SLC35F3: variants seen among roughly 807,000 people sequenced by gnomAD.
SLC35F3 encodes solute carrier family 35 member F3.
In SLC35F3, 25 loss-of-function variants were observed where a neutral mutation model predicts 49.9. The ratio of observed to expected loss-of-function variants is 0.50; its 90% CI spans 0.37 to 0.70. The LOEUF (loss-of-function observed/expected upper bound fraction) is 0.70, where lower values mean the gene tolerates loss of function less well. Ranked by LOEUF, SLC35F3 falls within the 30% of genes least tolerant of loss-of-function variation. The pLI is 0.00. For missense variants in SLC35F3, 525 were observed against 639.8 expected, an observed-to-expected ratio of 0.82 and a Z score of 1.94; for synonymous variants, 275 against 265.4, an observed-to-expected ratio of 1.04 and a Z score of -0.35.
At chr1:233,971,954 T>G (rs1663001073) in intron 2 of SLC35F3, among the ~76,000 whole-genome samples, 1 of 152,246 alleles carries the variant, frequency 6.6e-6, no homozygotes, top group Non-Finnish European at 1.5e-5. Context: ...TACAGCGTGC[T>G]GGCCTGCACA....
At chr1:234,031,817 T>C (rs534066955) in intron 2 of SLC35F3, among the ~76,000 whole-genome samples, 1 of 152,342 alleles carries the variant, frequency 6.6e-6, no homozygotes, top group South Asian at 2.1e-4. Flanking sequence ...TCAGGTGCGT[T>C]TCTTAACTCC....
intron 3 of SLC35F3, among the ~76,000 whole-genome samples, chr1:234,298,631 C>A (rs969678305): frequency 3.0e-4 from 45 of 152,216 alleles, no homozygotes; most frequent in African/African-American, 9.2e-4. Flanking sequence ...TGCCCCATTC[C>A]AGACCTGCTG....
In SLC35F3 at chr1:234,214,691, AC is replaced by A; in HGVS notation, c.284-16725del. ...GGGCTGGGGGTACTGCTCCCCCAGG[AC>A]GCGGCTCCGCAGTGCAGAGCGCCGC... is the stretch of plus-strand genomic sequence containing the variant. On this transcript the variant is annotated intron_variant, in intron 2 of 7. Coordinates refer to ENST00000366618, the MANE Select transcript of SLC35F3 (RefSeq NM_173508.4). The surrounding 1 kb of genome is among the most constrained non-coding windows in gnomAD (Gnocchi z 8.0). The A allele has an allele frequency of 1.5e-6, 2 of 1,345,730 alleles. No individual in the cohort carries two copies. Among genetic ancestry groups the A allele is most frequent in the Non-Finnish European group, 1.9e-6 (2 of 1,025,648 alleles). 83.4% of individuals were successfully genotyped at this position (1,345,730 alleles called of 1,614,324 possible).
intron 2 of SLC35F3, among the ~76,000 whole-genome samples, chr1:233,968,670 A>G (rs2102815899): frequency 6.6e-6 from 1 of 151,996 alleles, no homozygotes; most frequent in South Asian, 2.1e-4. Context: ...TTTTTAGTAA[A>G]CACGGGGTTT....
chr1:234,126,889 G>A (rs1052173536), intron 2 of SLC35F3, among the ~76,000 whole-genome samples: 4 of 151,932 alleles, frequency 2.6e-5, no homozygotes, highest in Non-Finnish European at 4.4e-5. Flanking sequence ...TAGAGATGGG[G>A]TCTCACTATG....
At chr1:234,053,291 C>CA (rs1664405498) in intron 2 of SLC35F3, among the ~76,000 whole-genome samples, 1 of 152,158 alleles carries the variant, frequency 6.6e-6, no homozygotes, top group South Asian at 2.1e-4. Flanking sequence ...TTGTAGATCT[C>CA]TAAGGACTTG....
intron 2 of SLC35F3, among the ~76,000 whole-genome samples, chr1:234,090,684 G>C (rs1222422503): frequency 6.6e-6 from 1 of 152,288 alleles, no homozygotes; most frequent in African/African-American, 2.4e-5. Flanking sequence ...GGAGTTTTTG[G>C]CTCTCTGACA....
At chr1:234,125,092 C>G (rs1558236146) in intron 2 of SLC35F3, among the ~76,000 whole-genome samples, 1 of 151,768 alleles carries the variant, frequency 6.6e-6, no homozygotes, top group Non-Finnish European at 1.5e-5. Flanking sequence ...AGAAAATAAT[C>G]CAGTGTGGCT....
chr1:233,967,447 A>T (rs1196054535), intron 2 of SLC35F3, among the ~76,000 whole-genome samples: 3 of 152,220 alleles, frequency 2.0e-5, no homozygotes, highest in Admixed American at 2.0e-4. Flanking sequence ...ACAATTGAGG[A>T]TCTCATAGTA....
chr1:233,925,343 ATAGT>A (rs1449160606), intron 2 of SLC35F3, among the ~76,000 whole-genome samples: 1 of 152,214 alleles, frequency 6.6e-6, no homozygotes, highest in African/African-American at 2.4e-5. Context: ...TATATTTATA[ATAGT>A]TAGCTCTTCT....
chr1:234,021,296 G>A (rs996886985), intron 2 of SLC35F3, among the ~76,000 whole-genome samples: 6 of 152,108 alleles, frequency 3.9e-5, no homozygotes, highest in African/African-American at 7.2e-5. Flanking sequence ...AAGGCAGTGG[G>A]GGAAACCAAA....
chr1:233,936,727 C>T (rs969896343), intron 2 of SLC35F3, among the ~76,000 whole-genome samples: 3 of 151,794 alleles, frequency 2.0e-5, no homozygotes, highest in South Asian at 2.1e-4. Context: ...CTTGCTATGT[C>T]GCCCAAGCTG....
chr1:233,991,716 A>G (rs1304104567), intron 2 of SLC35F3, among the ~76,000 whole-genome samples: 1 of 152,188 alleles, frequency 6.6e-6, no homozygotes, highest in Non-Finnish European at 1.5e-5. Context: ...AAGCTCAACA[A>G]CTAACATAGT....
At chr1:234,102,444 A>G (rs1478130560) in intron 2 of SLC35F3, among the ~76,000 whole-genome samples, 9 of 152,222 alleles carry the variant, frequency 5.9e-5, no homozygotes, top group Admixed American at 5.9e-4. Context: ...TCAAGGAAAG[A>G]GACAGAAGTC....
At chr1:234,172,976 C>T (rs1451742007) in intron 2 of SLC35F3, among the ~76,000 whole-genome samples, 1 of 152,182 alleles carries the variant, frequency 6.6e-6, no homozygotes, top group Admixed American at 6.5e-5. Context: ...AACATCATCC[C>T]TGACCTTAGG....
intron 3 of SLC35F3, among the ~76,000 whole-genome samples, chr1:234,243,870 C>T (rs1206951739): frequency 1.3e-5 from 2 of 152,232 alleles, no homozygotes; most frequent in East Asian, 3.8e-4. Flanking sequence ...CTCCAAATGG[C>T]TAGCAGTCAA....
chr1:234,194,563 C>A (rs1298819486), intron 2 of SLC35F3, among the ~76,000 whole-genome samples: 2 of 151,956 alleles, frequency 1.3e-5, no homozygotes, highest in Non-Finnish European at 2.9e-5. Context: ...CTTATGTAAC[C>A]AAATACCACC....
chr1:234,049,285 C>T (rs566253503), intron 2 of SLC35F3, among the ~76,000 whole-genome samples: 115 of 152,232 alleles, frequency 7.6e-4, no homozygotes, highest in South Asian at 4.8e-3. Context: ...CTGCCCTGAT[C>T]CAATAGGATT....
chr1:233,964,823 G>C (rs539490691), intron 2 of SLC35F3, among the ~76,000 whole-genome samples: 1 of 152,304 alleles, frequency 6.6e-6, no homozygotes, highest in Non-Finnish European at 1.5e-5. Context: ...TTGTCTGCCT[G>C]GCCATTTCCC....
Sources: gnomAD v4.1 joint callset for allele counts (sites outside exome capture counted in the v4.1 genomes callset) on GRCh38, gnomAD v4.1.1 for gene constraint, Gnocchi (gnomAD v3.1) non-coding constraint, MANE v1.5 for transcripts, NCBI Gene and HGNC (gene_info 2026-07-23, HGNC 2026-07-21) for gene names.